Variants in WDR33 observed in about 807,000 individuals in gnomAD.
The protein encoded by WDR33 is pre-mRNA 3' end processing protein WDR33.
In WDR33, 47 loss-of-function variants were observed where a neutral mutation model predicts 164.9. That is an observed-to-expected ratio of 0.29 (90% confidence interval 0.23 to 0.36). The LOEUF (loss-of-function observed/expected upper bound fraction) is 0.36. Ranked by LOEUF, WDR33 falls within the 10% of genes least tolerant of loss-of-function variation. WDR33 has a pLI of 1.00. For missense variants in WDR33, 1,137 were observed against 1,754.1 expected (o/e 0.65, Z 6.28); for synonymous variants, 505 against 589.0 (o/e 0.86, Z 2.06).
chr2:127,782,094 T>C (rs191304102), intron 1 of WDR33, among the ~76,000 whole-genome samples: 113 of 150,350 alleles, frequency 7.5e-4, no homozygotes, highest in African/African-American at 2.5e-3. Context: ...AATTTGTGGA[T>C]CACTAAACTT....
chr2:127,801,770 G>A (rs990503527), intron 1 of WDR33, among the ~76,000 whole-genome samples: 2 of 152,102 alleles, frequency 1.3e-5, no homozygotes, highest in African/African-American at 4.8e-5. Flanking sequence ...TGTAGTGCCA[G>A]CTACTCGGGA....
At position 127,786,517 on chromosome 2, in the gene WDR33, TACTAAAAATACAA is replaced by T. The variant is rs1688578887; in HGVS notation, c.-23-15526_-23-15514del. Among the ~76,000 whole-genome samples the T allele has an allele frequency of 2.0e-5, 3 of 152,166 alleles. No individual in the cohort carries two copies. In the South Asian group the frequency reaches 6.2e-4, roughly 31 times the overall value. ...AGTCAACATGGCAAAACTTTGTCTC[TACTAAAAATACAA>T]ACATTAGCTGGGCATGGTGGTGCAC... On this transcript the variant is annotated intron_variant, in intron 1 of 21. Transcript: ENST00000322313.
intron 17 of WDR33, among the ~76,000 whole-genome samples, chr2:127,715,188 T>C (rs1686271188): frequency 6.7e-6 from 1 of 150,132 alleles, no homozygotes; most frequent in African/African-American, 2.5e-5. Flanking sequence ...ACCTTAGGGA[T>C]TCAAGCGATT....
intron 18 of WDR33, among the ~76,000 whole-genome samples, chr2:127,711,088 C>G (rs1284299953): frequency 6.6e-6 from 1 of 152,158 alleles, no homozygotes; most frequent in Admixed American, 6.5e-5. Flanking sequence ...CACACACCAG[C>G]CTAGGCTATG....
intron 7 of WDR33, among the ~76,000 whole-genome samples, chr2:127,732,223 T>G (rs1486337791): frequency 6.6e-6 from 1 of 151,920 alleles, no homozygotes; most frequent in Non-Finnish European, 1.5e-5. Context: ...AAATAATACT[T>G]AAGCTAGTAA....
chr2:127,809,655 CG>C (rs1426136276), intron 1 of WDR33, among the ~76,000 whole-genome samples: 1 of 152,006 alleles, frequency 6.6e-6, no homozygotes, highest in Non-Finnish European at 1.5e-5. Context: ...AGGCTGGTCT[CG>C]AACTCCTGAC....
chr2:127,763,394 G>A lies in WDR33; in HGVS notation c.627-235C>T. Reference sequence around the variant, plus strand: ...ATCATCAGTATTCTGAGAACTTCAAGTGTGTATTATTAGTGCTAATGCTAT... The same window carrying A: ...ATCATCAGTATTCTGAGAACTTCAAATGTGTATTATTAGTGCTAATGCTAT... On this transcript the variant is annotated intron_variant, in intron 6 of 21. Transcript: ENST00000322313. This position sits in a 1 kb window ranked among gnomAD's most constrained non-coding sequence, Gnocchi z 4.5. 5.2e-6 allele frequency: 7 copies of A among 1,348,894 alleles called. No individual in the cohort carries two copies. Among genetic ancestry groups the A allele is most frequent in the Non-Finnish European group, 6.7e-6 (7 of 1,046,962 alleles). 83.6% of individuals were successfully genotyped at this position (1,348,894 alleles called of 1,614,324 possible). A position where few individuals can be genotyped will look rare whatever the true frequency, so the allele number is the denominator to read the frequency against.
At chr2:127,711,780 A>ATATTTTTTTTTTTTTTTTTTT in intron 18 of WDR33, among the ~76,000 whole-genome samples, 4 of 88,318 alleles carry the variant, frequency 4.5e-5, no homozygotes, top group African/African-American at 2.6e-4. Flanking sequence ...ATATATATAT[A>ATATTTTTTTTTTTTTTTTTTT]TTTTTTTTTT....
chr2:127,764,228 A>C lies in WDR33; in HGVS notation c.626+600T>G, dbSNP rs1327478519. The C allele has an allele frequency of 1.8e-6, 2 of 1,122,546 alleles. No individual in the cohort carries two copies. Among genetic ancestry groups the C allele is most frequent in the Non-Finnish European group, 2.2e-6 (2 of 918,658 alleles). The allele number at this position is 1,122,546 out of a possible 1,614,324, so 69.5% of individuals were successfully genotyped here. On this transcript the variant is annotated intron_variant, in intron 6 of 21. Coordinates refer to ENST00000322313, the MANE Select transcript of WDR33 (RefSeq NM_018383.5). The surrounding 1 kb of genome is among the most constrained non-coding windows in gnomAD (Gnocchi z 6.2). ...GCATAAGTGATGTTATCAACAGTGA[A>C]TCAGAAGAAAAGTCCTAGAGTCTTC...
intron 1 of WDR33, among the ~76,000 whole-genome samples, chr2:127,798,184 A>G (rs1287956662): frequency 1.3e-5 from 2 of 151,070 alleles, no homozygotes; most frequent in African/African-American, 4.9e-5. Context: ...CCTGGCCAAC[A>G]TGGTGAAACC....
Position 127,704,752 on chromosome 2 carries a change from T to TA in WDR33, c.*1570dup, listed in dbSNP as rs1324194303. ...AACCAGTTAAATTTTCATATCCTGT[T>TA]AAACTATATCAGTATGCCTTTTCTA... On this transcript the variant is annotated 3_prime_UTR_variant, in exon 22 of 22. Transcript: ENST00000322313. 1 of 167,116 alleles carries TA rather than the reference T, an allele frequency of 6.0e-6. No homozygotes were observed. Among genetic ancestry groups the TA allele is most frequent in the Non-Finnish European group, 1.5e-5 (1 of 68,120 alleles). The allele number at this position is 167,116 out of a possible 1,614,324, so 10.4% of individuals were successfully genotyped here.
intron 1 of WDR33, 128 bp from the exon 2 acceptor site, chr2:127,771,132 T>A: frequency 1.4e-6 from 1 of 724,876 alleles, no homozygotes; most frequent in Non-Finnish European, 2.2e-6. Context: ...ACTTACACAA[T>A]GAACTACAGT....
In WDR33 at chr2:127,719,614, C is replaced by A; in HGVS notation, c.2411G>T (p.Gly804Val). 6.2e-7 allele frequency: 1 copy of A among 1,613,666 alleles called. No individual in the cohort carries two copies. Residue 804 changes from glycine (G) to valine (V), a missense_variant, in exon 16 of 22, where the codon GGC becomes GTC. By Grantham distance (109) the Gly-to-Val change is moderately radical. Coordinates refer to ENST00000322313, the MANE Select transcript of WDR33 (RefSeq NM_018383.5). The surrounding 1 kb of genome is among the most constrained non-coding windows in gnomAD (Gnocchi z 6.5). ...QGPAPQGMIM[G>V]HPPQEMRGPH... ...TCCTCTCATCTCTTGAGGCGGGTGG[C>A]CCATAATCATCCCTTGGGGAGCAGG... is the stretch of plus-strand genomic sequence containing the variant.
intron 21 of WDR33, among the ~76,000 whole-genome samples, chr2:127,707,018 CAT>C (rs1686032784): frequency 2.0e-5 from 3 of 152,206 alleles, no homozygotes; most frequent in South Asian, 4.1e-4. Flanking sequence ...TGTCCCGTGA[CAT>C]GTGGCACTTT....
chr2:127,767,224 A>C (rs13411154), intron 4 of WDR33, among the ~76,000 whole-genome samples: 3,234 of 151,906 alleles, frequency 0.021, 126 homozygotes, highest in African/African-American at 0.075. Context: ...CTAATGTTTG[A>C]CACAATCGTC....
intron 7 of WDR33, among the ~76,000 whole-genome samples, chr2:127,754,412 G>A (rs143641904): frequency 2.0e-5 from 3 of 152,108 alleles, no homozygotes; most frequent in African/African-American, 4.8e-5. Context: ...ACAACAGTCC[G>A]TTCTCTTTTC....
At chr2:127,779,943 G>A (rs532600316) in intron 1 of WDR33, among the ~76,000 whole-genome samples, 2 of 151,732 alleles carry the variant, frequency 1.3e-5, no homozygotes, top group Non-Finnish European at 2.9e-5. Flanking sequence ...AATTCATATA[G>A]GACTTTTAAA....
chr2:127,753,202 C>T (rs1687422884), intron 7 of WDR33, among the ~76,000 whole-genome samples: 1 of 152,238 alleles, frequency 6.6e-6, no homozygotes, highest in African/African-American at 2.4e-5. Flanking sequence ...GCTGGGATTA[C>T]AGGCATGAGC....
In WDR33 at chr2:127,706,601, TGTCA is replaced by T. The variant is rs1156537054; in HGVS notation, c.3782-53_3782-50del. 6.6e-7 allele frequency: 1 copy of T among 1,518,252 alleles called. No homozygotes were observed. The highest frequency in any genetic ancestry group is 2.3e-5 in the East Asian group (1 of 43,938). The allele number at this position is 1,518,252 out of a possible 1,614,324, so 94.0% of individuals were successfully genotyped here. On this transcript the variant is annotated intron_variant, in intron 21 of 21. Transcript: ENST00000322313. This position sits in a 1 kb window ranked among gnomAD's most constrained non-coding sequence, Gnocchi z 5.1. Reference sequence around the variant, plus strand: ...GGGACTTTTTGTATTAGCAACTGTTTGTCAGTAACTCCCAGTACAAACTTTACTC... The same window carrying T: ...GGGACTTTTTGTATTAGCAACTGTTTGTAACTCCCAGTACAAACTTTACTC...
Sources: allele counts gnomAD v4.1 joint callset (sites outside exome capture counted in the v4.1 genomes callset), GRCh38; gene constraint gnomAD v4.1.1; non-coding constraint Gnocchi (gnomAD v3.1); transcripts MANE v1.5; gene names NCBI Gene and HGNC (gene_info 2026-07-23, HGNC 2026-07-21).